Variants in ESPNL observed in about 807,000 individuals in gnomAD.
The protein encoded by ESPNL is espin like.
A neutral mutation model predicts 46.8 loss-of-function variants in ESPNL; 49 were observed. That is an observed-to-expected ratio of 1.05 (90% CI 0.83 to 1.33). ESPNL has a LOEUF of 1.33. Ranked by LOEUF, ESPNL falls within the 40% of genes most tolerant of loss-of-function variation. The probability of loss-of-function intolerance (pLI) is 0.00; values close to 1 mark genes in which losing one functional copy is unlikely to be tolerated. For synonymous variants in ESPNL, 664 were observed against 662.1 expected, an observed-to-expected ratio of 1.00 and a Z score of -0.04; for missense variants, 1,540 against 1,436.6, an observed-to-expected ratio of 1.07 and a Z score of -1.16.
At chr2:238,127,391 C>A (rs546994892) in intron 6 of ESPNL, 3 of 1,308,344 alleles carry the variant, frequency 2.3e-6, no homozygotes, top group African/African-American at 3.1e-5. Flanking sequence ...CGTGGCCCAG[C>A]GGTGTGCCGC....
chr2:238,131,401 C>T lies in ESPNL; in HGVS notation c.2687C>T (p.Ala896Val). Residue 896 changes from alanine (A) to valine (V), a missense_variant, in exon 9 of 9, where the codon GCT (alanine) becomes GTT (valine). By Grantham distance (64) the Ala-to-Val change is moderately conservative. Coordinates refer to ENST00000343063, the MANE Select transcript of ESPNL (RefSeq NM_194312.4). Reference sequence around the variant, plus strand: ...CACCTGGGCACCCACGGCTGGGAGGCTGTGCGCGCCTTCCACAAGGCCGTG... The same window carrying T: ...CACCTGGGCACCCACGGCTGGGAGGTTGTGCGCGCCTTCCACAAGGCCGTG... Reference protein sequence around the residue: ...FEHLGTHGWEAVRAFHKAVTD... With the variant: ...FEHLGTHGWEVVRAFHKAVTD... 6.2e-7 allele frequency: 1 copy of T among 1,606,996 alleles called. No individual in the cohort carries two copies. The highest frequency in any genetic ancestry group is 8.5e-7 in the Non-Finnish European group (1 of 1,177,556).
intron 6 of ESPNL, among the ~76,000 whole-genome samples, chr2:238,125,917 GTC>G (rs943449996): frequency 1.4e-4 from 22 of 152,336 alleles, no homozygotes; most frequent in Admixed American, 1.4e-3. Context: ...GTGTGATTGT[GTC>G]TGTGTGTTCT....
chr2:238,131,594 C>T lies in ESPNL; in HGVS notation c.2880C>T (p.Gly960=), dbSNP rs775764858. ...PLPHAAVPCS[G]PEPTAQRLGS... Reference sequence around the variant, plus strand: ...CTCACGCCGCCGTCCCCTGCAGCGGCCCTGAGCCCACAGCACAGCGGCTGG... The same window carrying T: ...CTCACGCCGCCGTCCCCTGCAGCGGTCCTGAGCCCACAGCACAGCGGCTGG... The change falls in exon 9 of 9, where the codon GGC becomes GGT. Residue 960 remains glycine (G), a synonymous_variant. Coordinates refer to ENST00000343063, the MANE Select transcript of ESPNL (RefSeq NM_194312.4). The T allele has an allele frequency of 1.1e-5, 18 of 1,611,704 alleles. No homozygotes were observed. The highest frequency in any genetic ancestry group is 1.5e-5 in the Non-Finnish European group (18 of 1,179,270).
rs1390777428 is a variant in ESPNL at position 238,131,086 on chromosome 2, GC to G, written c.2377del (p.Arg793GlyfsTer34). On this transcript the variant is annotated frameshift_variant, in exon 9 of 9. Transcript: ENST00000343063. LOFTEE classifies it low-confidence loss of function (END_TRUNC). ...GGGCCACCCTCCCCGCCCAGCGAGGGCCCCCGGCTGGGCCACCTGTGGCAGC... is the reference window on the plus strand; with the variant it reads ...GGGCCACCCTCCCCGCCCAGCGAGGGCCCCGGCTGGGCCACCTGTGGCAGC... The part of the protein sequence containing the change: ...SPGPPSPPSE[G>X]PRLGHLWQQR... 3 of 1,541,694 alleles carry G rather than the reference GC, an allele frequency of 1.9e-6. No individual in the cohort carries two copies.
intron 5 of ESPNL, among the ~76,000 whole-genome samples, chr2:238,117,467 TCGTGGGTGA>T (rs60200174): frequency 0.22 from 28,817 of 132,126 alleles, 2,984 homozygotes; most frequent in African/African-American, 0.36. Flanking sequence ...CCAGAGTTCC[TCGTGGGTGA>T]TGTGGGTGAT....
intron 5 of ESPNL, among the ~76,000 whole-genome samples, chr2:238,120,092 G>A (rs1242767497): frequency 6.6e-6 from 1 of 151,086 alleles, no homozygotes; most frequent in African/African-American, 2.4e-5. Flanking sequence ...TTACTAAATG[G>A]TGTGCTTGCT....
Position 238,131,925 on chromosome 2 carries a change from C to A in ESPNL, c.*193C>A. ...CCGAGCTGGGACTCAGACTCCTTCT[C>A]ACCACTGCACCCAGGAAGCCCCTTG... is the stretch of plus-strand genomic sequence containing the variant. On this transcript the variant is annotated 3_prime_UTR_variant, in exon 9 of 9. Coordinates refer to ENST00000343063, the MANE Select transcript of ESPNL (RefSeq NM_194312.4). 1.6e-6 allele frequency: 1 copy of A among 624,620 alleles called. No homozygotes were observed. The highest frequency in any genetic ancestry group is 2.7e-6 in the Non-Finnish European group (1 of 371,936). The allele number at this position is 624,620 out of a possible 1,614,324, so 38.7% of individuals were successfully genotyped here.
At position 238,128,901 on chromosome 2, in the gene ESPNL, C is replaced by A; in HGVS notation, c.1410C>A (p.Ala470=). The change falls in exon 8 of 9, where the codon GCC becomes GCA. Residue 470 remains alanine (A), a synonymous_variant. Coordinates refer to ENST00000343063, the MANE Select transcript of ESPNL (RefSeq NM_194312.4). ...TGGGCGCAGAGAGCTCCGCAGAGGC[C>A]CAGGTAGGCCCCCGGCAGGGGCGGG... ...ARLGAESSAE[A]QDNGGSSGPT... 6 of 1,537,714 alleles carry A rather than the reference C, an allele frequency of 3.9e-6. No homozygotes were observed. The highest frequency in any genetic ancestry group is 2.4e-5 in the South Asian group (2 of 83,826).
rs180778335 is a variant in ESPNL at position 238,130,691 on chromosome 2, C to T, written c.1977C>T (p.Phe659=). The T allele has an allele frequency of 6.2e-4, 964 of 1,563,858 alleles. 4 individuals carry two copies. The highest frequency in any genetic ancestry group is 4.5e-3 in the Middle Eastern group (27 of 5,980). Residue 659 remains phenylalanine (F), a synonymous_variant, in exon 9 of 9, where the codon TTC becomes TTT. Coordinates refer to ENST00000343063, the MANE Select transcript of ESPNL (RefSeq NM_194312.4). Reference sequence around the variant, plus strand: ...CTGTGCGGACGCTGCGGGGCAACTTCGAGTCGGCCTCTGGCCCACTCTGTG... The same window carrying T: ...CTGTGCGGACGCTGCGGGGCAACTTTGAGTCGGCCTCTGGCCCACTCTGTG... The part of the protein sequence containing the change: ...GVSVRTLRGN[F]ESASGPLCGF...
At position 238,131,829 on chromosome 2, in the gene ESPNL, G is replaced by T; in HGVS notation, c.*97G>T. 1 of 1,344,208 alleles carries T rather than the reference G, an allele frequency of 7.4e-7. No individual in the cohort carries two copies. The highest frequency in any genetic ancestry group is 1.0e-6 in the Non-Finnish European group (1 of 977,430). The allele number at this position is 1,344,208 out of a possible 1,614,324, so 83.3% of individuals were successfully genotyped here. A position where few individuals can be genotyped will look rare whatever the true frequency, so the allele number is the denominator to read the frequency against. ...CACACCCTTGGTGTTCAGGTGAGCC[G>T]GGCAAGGCTGCCTCCAGTCCTACCA... On this transcript the variant is annotated 3_prime_UTR_variant, in exon 9 of 9. Coordinates refer to ENST00000343063, the MANE Select transcript of ESPNL (RefSeq NM_194312.4).
intron 5 of ESPNL, among the ~76,000 whole-genome samples, chr2:238,124,083 G>C (rs986357335): frequency 6.6e-6 from 1 of 152,252 alleles, no homozygotes; most frequent in Admixed American, 6.5e-5. Context: ...GAATTTGAAG[G>C]CAGAGACAGC....
At chr2:238,108,099 G>T in intron 4 of ESPNL, 126 bp downstream of exon 4, 1 of 885,558 alleles carries the variant, frequency 1.1e-6, no homozygotes, top group Non-Finnish European at 1.7e-6. Context: ...GGTAAACTGA[G>T]GCTCTAAGTG....
chr2:238,124,639 G>C (rs1692059434), intron 5 of ESPNL, among the ~76,000 whole-genome samples: 1 of 151,246 alleles, frequency 6.6e-6, no homozygotes, highest in African/African-American at 2.4e-5. Context: ...GTGTGCAGGA[G>C]AGTGTACGTG....
Position 238,131,711 on chromosome 2 carries a change from G to C in ESPNL, c.2997G>C (p.Glu999Asp). Residue 999 changes from glutamate to aspartate, a missense_variant, in exon 9 of 9, where the codon GAG becomes GAC. Physicochemically the swap from Glu to Asp is conservative, Grantham distance 45 (BLOSUM62 2). Transcript: ENST00000343063. ...CCTTCTGGAAGGAGAAGGAAGCTGA[G>C]ATGTTCAACTTTGGAGAATGACCCT... is the stretch of plus-strand genomic sequence containing the variant. ...SFAFWKEKEA[E>D]MFNFGE The C allele has an allele frequency of 6.3e-7, 1 of 1,587,834 alleles. No homozygotes were observed. Among genetic ancestry groups the C allele is most frequent in the Non-Finnish European group, 8.6e-7 (1 of 1,160,480 alleles).
At chr2:238,107,016 G>C (rs1043871785) in intron 3 of ESPNL, among the ~76,000 whole-genome samples, 2 of 152,262 alleles carry the variant, frequency 1.3e-5, no homozygotes, top group Non-Finnish European at 2.9e-5. Context: ...GGCCTCCCCA[G>C]TGGGGAAAGC....
intron 7 of ESPNL, 88 bp from the exon 8 acceptor site, chr2:238,128,619 A>G: frequency 1.5e-6 from 2 of 1,356,230 alleles, no homozygotes; most frequent in Admixed American, 2.1e-5. Context: ...CCCTGGGCGG[A>G]GCCAACCCCC....
Position 238,102,062 on chromosome 2 carries a change from G to C in ESPNL, c.416G>C (p.Arg139Pro). 1 of 1,593,184 alleles carries C rather than the reference G, an allele frequency of 6.3e-7. No individual in the cohort carries two copies. Residue 139 changes from arginine (R) to proline (P), a missense_variant, in exon 2 of 9, where the codon CGG (arginine) becomes CCG (proline). Arg to Pro is a moderately radical substitution (Grantham distance 103). Coordinates refer to ENST00000343063, the MANE Select transcript of ESPNL (RefSeq NM_194312.4). The part of the protein sequence containing the change: ...SATLETREGA[R>P]PLHHAAVSGD... ...ACGCTAGAGACCCGGGAGGGAGCCC[G>C]GCCGCTGCACCACGCTGCCGTCAGT... is the stretch of plus-strand genomic sequence containing the variant.
chr2:238,129,183 G>A (rs1692219860), intron 8 of ESPNL: 4 of 1,364,354 alleles, frequency 2.9e-6, no homozygotes, highest in Non-Finnish European at 3.8e-6. Context: ...GTTGTTCTAG[G>A]CCTTCCTGGG....
At chr2:238,127,469 C>A in intron 6 of ESPNL, 153 bp from the exon 7 acceptor site, 1 of 1,289,732 alleles carries the variant, frequency 7.8e-7, no homozygotes. Context: ...GTGGGGCCCC[C>A]GAGGTGTTCT....
Sources: allele counts gnomAD v4.1 joint callset (sites outside exome capture counted in the v4.1 genomes callset), GRCh38; gene constraint gnomAD v4.1.1; transcripts MANE v1.5; gene names NCBI Gene and HGNC (gene_info 2026-07-23, HGNC 2026-07-21).